Variants in ADGRA1 observed in about 807,000 individuals in gnomAD.
The protein encoded by ADGRA1 is G-protein coupled receptor 123.
ADGRA1 carries 12 observed loss-of-function variants against 21.3 expected under a neutral mutation model. The ratio of observed to expected loss-of-function variants is 0.56; its 90% confidence interval spans 0.36 to 0.91. The LOEUF is 0.91. ADGRA1 is among the 40% of genes least tolerant of loss of function. The pLI, the probability that ADGRA1 is intolerant of heterozygous loss-of-function variation, is 0.01. For synonymous variants in ADGRA1, 385 were observed against 368.8 expected, an observed-to-expected ratio of 1.04 and a Z score of -0.50; for missense variants, 790 against 805.6, an observed-to-expected ratio of 0.98 and a Z score of 0.23.
intron 4 of ADGRA1, among the ~76,000 whole-genome samples, chr10:133,100,353 C>T (rs536145228): frequency 2.4e-4 from 37 of 152,378 alleles, no homozygotes; most frequent in African/African-American, 7.0e-4. Flanking sequence ...TGCGAGAGGC[C>T]GTCACCATCA....
chr10:133,121,877 T>C (rs1451716968), intron 5 of ADGRA1, among the ~76,000 whole-genome samples: 63 of 143,956 alleles, frequency 4.4e-4, no homozygotes, highest in African/African-American at 1.5e-3. Flanking sequence ...CTGTGTGTGG[T>C]GTGTGCCAGT....
chr10:133,104,433 C>T (rs1270791069), intron 5 of ADGRA1, among the ~76,000 whole-genome samples: 2 of 152,238 alleles, frequency 1.3e-5, no homozygotes, highest in Admixed American at 1.3e-4. Flanking sequence ...GCTCTTCCAT[C>T]CGGTGTCTGC....
chr10:133,116,539 C>T (rs1852163315), intron 5 of ADGRA1, among the ~76,000 whole-genome samples: 1 of 148,698 alleles, frequency 6.7e-6, no homozygotes, highest in Non-Finnish European at 1.5e-5. Flanking sequence ...CAGACCACAC[C>T]CAAGGCCGCC....
At chr10:133,097,182 T>C in intron 3 of ADGRA1, 81 bp downstream of exon 3, 4 of 1,520,770 alleles carry the variant, frequency 2.6e-6, no homozygotes, top group Non-Finnish European at 3.6e-6. Context: ...TGAAGGGCAA[T>C]GCCACTGCCC....
Position 133,112,019 on chromosome 10 carries a change from A to ACAACCTGCCCACCACGGG in ADGRA1, c.401+9179_401+9180insACCTGCCCACCACGGGCA, listed in dbSNP as rs1564849823. 2.4e-3 allele frequency among the ~76,000 whole-genome samples: 68 copies of ACAACCTGCCCACCACGGG among 27,966 alleles called. 12 individuals are homozygous for ACAACCTGCCCACCACGGG. The highest frequency in any genetic ancestry group is 0.018 in the African/African-American group (66 of 3,626). The allele number at this position is 27,966 out of a possible 152,430, so 18.3% of individuals were successfully genotyped here. On this transcript the variant is annotated intron_variant, in intron 5 of 6. Transcript: ENST00000392607. The stretch of plus-strand genomic sequence containing the variant: ...CCTCCAGACCACCTGCCCACCACAG[A>ACAACCTGCCCACCACGGG]CACCTCCCTCCTAATGCCTCCAGAC...
chr10:133,093,111 C>T (rs927444081), intron 2 of ADGRA1: 9 of 1,597,722 alleles, frequency 5.6e-6, no homozygotes, highest in Non-Finnish European at 5.9e-6. Context: ...CCGGACACCT[C>T]ACTGTGCAGG....
At chr10:133,116,937 G>T (rs913750636) in intron 5 of ADGRA1, among the ~76,000 whole-genome samples, 7 of 152,166 alleles carry the variant, frequency 4.6e-5, no homozygotes, top group African/African-American at 1.7e-4. Context: ...AGAGGGCGGG[G>T]AGGGTAAAGG....
rs535161347 is a variant in ADGRA1, at chr10:133,104,011, G to A, written c.401+1169G>A. Among the ~76,000 whole-genome samples, 8 of 152,318 alleles carry A rather than the reference G, an allele frequency of 5.3e-5. No individual in the cohort carries two copies. The East Asian group carries it at 9.7e-4, about 18-fold the overall frequency. ...AGGGGGTCTTGGAGGACATTCATCCGGTTGCATGGGAGACGTGACCCGGTG... is the reference window on the plus strand; with the variant it reads ...AGGGGGTCTTGGAGGACATTCATCCAGTTGCATGGGAGACGTGACCCGGTG... On this transcript the variant is annotated intron_variant, in intron 5 of 6. Transcript: ENST00000392607.
rs1465038037 is a variant in ADGRA1 at position 133,128,756 on chromosome 10, C to T, written c.928C>T (p.Arg310Cys). The T allele has an allele frequency of 1.9e-6, 3 of 1,611,820 alleles. No individual in the cohort carries two copies. Among genetic ancestry groups the T allele is most frequent in the Non-Finnish European group, 8.5e-7 (1 of 1,179,472 alleles). ...LFVLIHHCAK[R>C]EDVWQCWWAC... Reference sequence around the variant, plus strand: ...CGTGCTCATCCACCACTGCGCCAAGCGTGAGGACGTGTGGCAGTGCTGGTG... The same window carrying T: ...CGTGCTCATCCACCACTGCGCCAAGTGTGAGGACGTGTGGCAGTGCTGGTG... Residue 310 changes from arginine (R) to cysteine (C), a missense_variant, in exon 7 of 7, where the codon CGT (arginine) becomes TGT (cysteine). Around this residue, in one of 3 missense-constraint regions of ADGRA1, gnomAD observed 17 missense variants for 38.5 expected, o/e 0.44. Transcript: ENST00000392607.
chr10:133,096,497 C>T (rs1288707026), intron 2 of ADGRA1, among the ~76,000 whole-genome samples: 1 of 152,250 alleles, frequency 6.6e-6, no homozygotes, highest in African/African-American at 2.4e-5. Context: ...GAAGCTCGTA[C>T]AGAATCCTCC....
At chr10:133,121,878 G>GTCA (rs1852273359) in intron 5 of ADGRA1, among the ~76,000 whole-genome samples, 2 of 149,526 alleles carry the variant, frequency 1.3e-5, no homozygotes, top group African/African-American at 4.9e-5. Flanking sequence ...TGTGTGTGGT[G>GTCA]TGTGCCAGTG....
rs1307441714 is a variant in ADGRA1, at chr10:133,087,954, G to A, written c.-387G>A. ...GGCGGCGGCGCTGCTGGCCGGGCTGGGCCGCTCGTGCGCGGGGCTGTGACT... is the reference window on the plus strand; with the variant it reads ...GGCGGCGGCGCTGCTGGCCGGGCTGAGCCGCTCGTGCGCGGGGCTGTGACT... On this transcript the variant is annotated 5_prime_UTR_variant, in exon 1 of 7. Transcript: ENST00000392607. 1.0e-6 allele frequency: 1 copy of A among 984,914 alleles called. No homozygotes were observed. Among genetic ancestry groups the A allele is most frequent in the African/African-American group, 1.7e-5 (1 of 57,196 alleles). 61.0% of individuals were successfully genotyped at this position (984,914 alleles called of 1,614,324 possible). A position where few individuals can be genotyped will look rare whatever the true frequency, so the allele number is the denominator to read the frequency against.
intron 5 of ADGRA1, among the ~76,000 whole-genome samples, chr10:133,126,046 C>A (rs1210188130): frequency 6.6e-6 from 1 of 152,216 alleles, no homozygotes; most frequent in Non-Finnish European, 1.5e-5. Context: ...TCCGCACAGT[C>A]CAAGTCCCCC....
intron 5 of ADGRA1, among the ~76,000 whole-genome samples, chr10:133,110,821 C>T (rs1036767481): frequency 6.6e-6 from 1 of 152,160 alleles, no homozygotes. Context: ...CTCTATTCAG[C>T]CTCTTCCCCT....
At chr10:133,098,962 G>A (rs948549905) in intron 4 of ADGRA1, among the ~76,000 whole-genome samples, 199 bp downstream of exon 4, 4 of 152,222 alleles carry the variant, frequency 2.6e-5, no homozygotes, top group Non-Finnish European at 5.9e-5. Context: ...CCACTGCACC[G>A]CCCCCTCCAG....
chr10:133,122,697 C>G (rs906084335), intron 5 of ADGRA1, among the ~76,000 whole-genome samples: 12 of 152,232 alleles, frequency 7.9e-5, no homozygotes, highest in African/African-American at 2.9e-4. Context: ...ACTGTGGTCA[C>G]GACCCGCGGG....
intron 5 of ADGRA1, among the ~76,000 whole-genome samples, chr10:133,122,321 C>G (rs11101939): frequency 6.6e-6 from 1 of 152,188 alleles, no homozygotes; most frequent in East Asian, 1.9e-4. Flanking sequence ...CTGCAGTCTG[C>G]GTCCTCGCCC....
At chr10:133,120,990 A>G (rs1435752859) in intron 5 of ADGRA1, among the ~76,000 whole-genome samples, 1 of 152,162 alleles carries the variant, frequency 6.6e-6, no homozygotes, top group Non-Finnish European at 1.5e-5. Flanking sequence ...CCTAATTTCA[A>G]TATTTCTGTG....
intron 5 of ADGRA1, among the ~76,000 whole-genome samples, chr10:133,117,463 G>C (rs926304408): frequency 1.3e-5 from 2 of 152,226 alleles, no homozygotes; most frequent in African/African-American, 4.8e-5. Context: ...CCCCTGGGAG[G>C]TCCGGTGCAC....
Sources: allele counts gnomAD v4.1 joint callset (sites outside exome capture counted in the v4.1 genomes callset), GRCh38; gene constraint gnomAD v4.1.1; regional missense constraint gnomAD v4.1.1; transcripts MANE v1.5; gene names NCBI Gene and HGNC (gene_info 2026-07-23, HGNC 2026-07-21).